PRKG1: variants seen among roughly 807,000 people sequenced by gnomAD.
PRKG1 encodes the protein cGMP-dependent protein kinase 1.
Under a neutral mutation model 88.1 loss-of-function variants are expected in PRKG1, and 35 were observed. The observed-to-expected ratio is 0.40, with a 90% CI of 0.30 to 0.53. PRKG1 has a LOEUF of 0.53. Ranked by LOEUF, PRKG1 falls within the 20% of genes least tolerant of loss-of-function variation. The pLI is 0.59. For missense variants in PRKG1, 540 were observed against 839.8 expected (o/e 0.64, Z 4.41); for synonymous variants, 303 against 292.5 (o/e 1.04, Z -0.37).
At chr10:52,178,492 G>A (rs1317683072) in intron 9 of PRKG1, among the ~76,000 whole-genome samples, 1 of 151,932 alleles carries the variant, frequency 6.6e-6, no homozygotes, top group East Asian at 1.9e-4. Context: ...GAAATGCTCT[G>A]TAATATCTGT....
At chr10:51,197,520 C>T (rs959551055) in intron 2 of PRKG1, among the ~76,000 whole-genome samples, 2 of 151,962 alleles carry the variant, frequency 1.3e-5, no homozygotes, top group African/African-American at 4.8e-5. Context: ...GTGATCTGCC[C>T]ACTTCGGCCT....
At chr10:51,678,848 C>T (rs1840774581) in intron 3 of PRKG1, among the ~76,000 whole-genome samples, 1 of 152,182 alleles carries the variant, frequency 6.6e-6, no homozygotes, top group Admixed American at 6.5e-5. Context: ...TCCACACAAA[C>T]TACCCCAGGG....
chr10:52,154,941 C>T (rs939288563), intron 8 of PRKG1, among the ~76,000 whole-genome samples: 2 of 152,164 alleles, frequency 1.3e-5, no homozygotes, highest in African/African-American at 4.8e-5. Flanking sequence ...TGGTCTTTGA[C>T]TCCATCCAAG....
At chr10:51,673,870 A>G (rs1382659697) in intron 3 of PRKG1, among the ~76,000 whole-genome samples, 2 of 152,162 alleles carry the variant, frequency 1.3e-5, no homozygotes, top group Non-Finnish European at 2.9e-5. Flanking sequence ...TTCCTGTGAT[A>G]TGCTGCTTTT....
At chr10:51,130,574 T>A (rs183285821) in intron 1 of PRKG1, among the ~76,000 whole-genome samples, 1,554 of 152,264 alleles carry the variant, frequency 0.01, 13 homozygotes, top group Non-Finnish European at 0.016. Flanking sequence ...CATCTACTTT[T>A]TTTTATTTTA....
intron 2 of PRKG1, among the ~76,000 whole-genome samples, chr10:51,341,964 C>A (rs1441094933): frequency 6.6e-6 from 1 of 152,078 alleles, no homozygotes. Flanking sequence ...GGGGAAACCT[C>A]CCCCATGAGG....
chr10:51,609,293 G>A lies in PRKG1; in HGVS notation c.592+141457G>A, dbSNP rs141527938. Among the ~76,000 whole-genome samples the A allele has an allele frequency of 1.2e-3, 182 of 152,226 alleles. 1 individual carries two copies. The highest frequency in any genetic ancestry group is 4.1e-3 in the African/African-American group (172 of 41,548). ...ACCAGTCATTCACTGACTTACCAGA[G>A]CAACTTTTATTAGAACCCTGCAAAC... On this transcript the variant is annotated intron_variant, in intron 3 of 17. Coordinates refer to ENST00000373980, the MANE Select transcript of PRKG1 (RefSeq NM_006258.4).
chr10:51,932,150 T>A (rs1013267014), intron 5 of PRKG1, among the ~76,000 whole-genome samples: 1 of 151,940 alleles, frequency 6.6e-6, no homozygotes, highest in African/African-American at 2.4e-5. Context: ...GAAATCTTCT[T>A]ATTTAAGATA....
At chr10:52,097,935 T>C (rs1847209838) in intron 7 of PRKG1, among the ~76,000 whole-genome samples, 1 of 152,104 alleles carries the variant, frequency 6.6e-6, no homozygotes, top group Admixed American at 6.5e-5. Flanking sequence ...CATAAAACTC[T>C]CTAAAGGTAA....
intron 2 of PRKG1, among the ~76,000 whole-genome samples, chr10:51,226,723 AAC>A: frequency 6.6e-6 from 1 of 152,314 alleles, no homozygotes; most frequent in South Asian, 2.1e-4. Flanking sequence ...TATGGAGAAT[AAC>A]AGTTATTTAA....
intron 4 of PRKG1, among the ~76,000 whole-genome samples, chr10:51,855,760 G>A (rs1840664816): frequency 6.6e-6 from 1 of 152,084 alleles, no homozygotes; most frequent in African/African-American, 2.4e-5. Flanking sequence ...CATCAACAAA[G>A]TAAATTCCTG....
chr10:51,130,408 G>C (rs758946199), intron 1 of PRKG1, among the ~76,000 whole-genome samples: 40 of 152,038 alleles, frequency 2.6e-4, no homozygotes, highest in Admixed American at 5.9e-4. Context: ...AACTTCCCTA[G>C]CATGACATAA....
At chr10:52,054,852 C>T (rs541641734) in intron 6 of PRKG1, among the ~76,000 whole-genome samples, 31 of 152,036 alleles carry the variant, frequency 2.0e-4, no homozygotes, top group Admixed American at 5.2e-4. Context: ...AAAAAAATAC[C>T]GGCTGGATGT....
At chr10:51,215,407 G>A (rs1838345648) in intron 2 of PRKG1, among the ~76,000 whole-genome samples, 1 of 152,302 alleles carries the variant, frequency 6.6e-6, no homozygotes, top group Non-Finnish European at 1.5e-5. Context: ...AAAAAGGAAA[G>A]CTGGTCTCCA....
At chr10:51,053,959 A>G (rs1843597692) in intron 1 of PRKG1, among the ~76,000 whole-genome samples, 1 of 152,140 alleles carries the variant, frequency 6.6e-6, no homozygotes, top group African/African-American at 2.4e-5. Flanking sequence ...TACAGTTTTC[A>G]AAGCTAAGTA....
chr10:51,048,844 G>T (rs1843523408), intron 1 of PRKG1, among the ~76,000 whole-genome samples: 1 of 146,516 alleles, frequency 6.8e-6, no homozygotes, highest in African/African-American at 2.5e-5. Context: ...AGAAGAGGGA[G>T]TATAGTGACT....
intron 2 of PRKG1, among the ~76,000 whole-genome samples, chr10:51,400,830 A>G (rs963486814): frequency 1.3e-5 from 2 of 152,146 alleles, no homozygotes; most frequent in African/African-American, 4.8e-5. Flanking sequence ...TTCTTCAATG[A>G]CTTTCCTCAG....
chr10:52,014,234 T>C (rs4304715), intron 5 of PRKG1, among the ~76,000 whole-genome samples: 152,072 of 152,240 alleles, frequency 1, 75,952 homozygotes, highest in Middle Eastern at 1. Context: ...AATCGACTCA[T>C]GGTTTCATAT....
chr10:51,700,749 A>G (rs1841444743), intron 3 of PRKG1, among the ~76,000 whole-genome samples: 1 of 152,206 alleles, frequency 6.6e-6, no homozygotes, highest in Admixed American at 6.5e-5. Context: ...AGCTAGTGTG[A>G]TTGAAGAAAT....
Sources: allele counts gnomAD v4.1 joint callset (sites outside exome capture counted in the v4.1 genomes callset), GRCh38; gene constraint gnomAD v4.1.1; transcripts MANE v1.5; gene names NCBI Gene and HGNC (gene_info 2026-07-23, HGNC 2026-07-21).